The following SRP54 variants were observed in gnomAD, a reference collection of about 807,000 sequenced individuals.
SRP54 encodes the protein signal recognition particle 54.
Under a neutral mutation model 64.8 loss-of-function variants are expected in SRP54, and 10 were observed. The ratio of observed to expected loss-of-function variants is 0.15; its 90% CI spans 0.10 to 0.26. SRP54 has a LOEUF of 0.26. SRP54 is among the 10% of genes least tolerant of loss of function. The pLI is 1.00. For synonymous variants in SRP54, 193 were observed against 185.6 expected (o/e 1.04, Z -0.32); for missense variants, 325 against 613.7 (o/e 0.53, Z 4.97).
intron 1 of SRP54, among the ~76,000 whole-genome samples, chr14:34,989,812 A>C (rs1210838936): frequency 6.6e-6 from 1 of 152,130 alleles, no homozygotes; most frequent in African/African-American, 2.4e-5. Flanking sequence ...TTAATAGTTA[A>C]TATGCTAGGT....
chr14:35,005,445 G>A (rs774836446), intron 4 of SRP54, among the ~76,000 whole-genome samples: 4 of 152,162 alleles, frequency 2.6e-5, no homozygotes, highest in East Asian at 1.9e-4. Context: ...TGCCCAGGCC[G>A]GAGTACAGTG....
intron 10 of SRP54, among the ~76,000 whole-genome samples, chr14:35,014,290 T>TTTTTTTTTTTTTGTTTTTTTG (rs376712278): frequency 7.9e-6 from 1 of 127,284 alleles, no homozygotes; most frequent in African/African-American, 2.9e-5. Context: ...TTTTTTTTTT[T>TTTTTTTTTTTTTGTTTTTTTG]TTTTGAGACG....
Position 35,023,997 on chromosome 14 carries a change from A to T in SRP54, c.1327+917A>T, listed in dbSNP as rs181563048. 3.0e-3 allele frequency among the ~76,000 whole-genome samples: 457 copies of T among 152,152 alleles called. 3 individuals are homozygous for T. Among genetic ancestry groups the T allele is most frequent in the African/African-American group, 0.011 (442 of 41,518 alleles). ...CAGAAACATAGTAGAAGCTAAAAAAATTTTGTAGTAATATAATTTCCATTA... is the reference window on the plus strand; with the variant it reads ...CAGAAACATAGTAGAAGCTAAAAAATTTTTGTAGTAATATAATTTCCATTA... On this transcript the variant is annotated intron_variant, in intron 14 of 15. Transcript: ENST00000216774.
rs1447429965 is a variant in SRP54 at position 35,020,581 on chromosome 14, T to G, written c.1156+1507T>G. Among the ~76,000 whole-genome samples the G allele has an allele frequency of 2.0e-5, 3 of 152,214 alleles. No individual in the cohort carries two copies. The East Asian group carries it at 5.8e-4, about 29-fold the overall frequency. ...TCTGTGCTTTATCTACTATCTGATT[T>G]ATTGTTATTTTTTTGTAGTCTCTTT... On this transcript the variant is annotated intron_variant, in intron 13 of 15. Coordinates refer to ENST00000216774, the MANE Select transcript of SRP54 (RefSeq NM_003136.4).
At position 34,995,137 on chromosome 14, in the gene SRP54, GT is replaced by G. The variant is rs1467241229; in HGVS notation, c.-33-1539del. Among the ~76,000 whole-genome samples the G allele has an allele frequency of 6.6e-4, 17 of 25,754 alleles. 2 individuals are homozygous for G. The South Asian group carries it at 0.012, about 19-fold the overall frequency. The allele number at this position is 25,754 out of a possible 152,430, so 16.9% of individuals were successfully genotyped here. On this transcript the variant is annotated intron_variant, in intron 1 of 15. Coordinates refer to ENST00000216774, the MANE Select transcript of SRP54 (RefSeq NM_003136.4). The stretch of plus-strand genomic sequence containing the variant: ...CAGAGAAGCAGAATCAATAAAGGGT[GT>G]GTGTGTGTGTGTGTGTGTGTGTGTG...
At chr14:34,989,153 T>C (rs960450724) in intron 1 of SRP54, among the ~76,000 whole-genome samples, 2 of 152,196 alleles carry the variant, frequency 1.3e-5, no homozygotes, top group African/African-American at 4.8e-5. Flanking sequence ...TTTCTAAGTA[T>C]ATTTAGTTCT....
At chr14:34,993,222 G>T (rs1235070104) in intron 1 of SRP54, 2 of 152,152 alleles carry the variant, frequency 1.3e-5, no homozygotes, top group Non-Finnish European at 2.9e-5. Context: ...AAAGTTAATT[G>T]TGGTGTCATA....
intron 2 of SRP54, among the ~76,000 whole-genome samples, chr14:34,997,919 C>G (rs1163309619): frequency 1.3e-5 from 2 of 151,728 alleles, no homozygotes; most frequent in African/African-American, 2.4e-5. Context: ...TTGTGTAGCC[C>G]TTATGTTCTT....
Position 35,023,064 on chromosome 14 carries a change from C to A in SRP54, c.1311C>A (p.Ile437=). 1 of 1,604,654 alleles carries A rather than the reference C, an allele frequency of 6.2e-7. No homozygotes were observed. Among genetic ancestry groups the A allele is most frequent in the East Asian group, 2.3e-5 (1 of 44,402 alleles). ...FAQMVKKMGG[I]KGLFKGGDMS... ...AGATGGTAAAAAAGATGGGAGGTAT[C>A]AAAGGACTTTTCAAAGGTAAGAAAA... Residue 437 remains isoleucine, a synonymous_variant, in exon 14 of 16, where the codon ATC becomes ATA. Coordinates refer to ENST00000216774, the MANE Select transcript of SRP54 (RefSeq NM_003136.4).
intron 13 of SRP54, among the ~76,000 whole-genome samples, chr14:35,019,867 A>G (rs1400014670): frequency 6.6e-6 from 1 of 152,206 alleles, no homozygotes; most frequent in African/African-American, 2.4e-5. Context: ...AAAACAATGT[A>G]TATACCTTAA....
chr14:35,002,508 C>G (rs984959895), intron 4 of SRP54, among the ~76,000 whole-genome samples: 1 of 151,728 alleles, frequency 6.6e-6, no homozygotes, highest in African/African-American at 2.4e-5. Flanking sequence ...TCTCTGCTCA[C>G]TGCAACCTCT....
At chr14:35,018,123 A>C (rs2044472162) in intron 11 of SRP54, among the ~76,000 whole-genome samples, 1 of 152,174 alleles carries the variant, frequency 6.6e-6, no homozygotes, top group South Asian at 2.1e-4. Context: ...AGAAATTCTG[A>C]GTATATCGTT....
chr14:35,008,861 A>G, intron 7 of SRP54, 30 bp downstream of exon 7: 1 of 1,302,008 alleles, frequency 7.7e-7, no homozygotes, highest in Non-Finnish European at 1.1e-6. Flanking sequence ...TTTAACACTT[A>G]TATCCCTCTT....
chr14:34,994,395 G>T (rs1169080826), intron 1 of SRP54, among the ~76,000 whole-genome samples: 1 of 152,144 alleles, frequency 6.6e-6, no homozygotes, highest in Non-Finnish European at 1.5e-5. Flanking sequence ...GTTTGGAAGG[G>T]TTACCAAAAC....
intron 7 of SRP54, 53 bp downstream of exon 7, chr14:35,008,884 CT>C (rs35812379): frequency 0.13 from 84,686 of 669,562 alleles, 1 homozygote; most frequent in Middle Eastern, 0.14. Flanking sequence ...TGTCTGTCAG[CT>C]TTTTTTTTTT....
chr14:35,008,788 C>T lies in SRP54; in HGVS notation c.442C>T (p.Leu148=), dbSNP rs760860121. The part of the protein sequence containing the change: ...DTFRAGAFDQ[L]KQNATKARIP... Reference sequence around the variant, plus strand: ...TTATCTTCCAGGGGCTTTTGACCAACTAAAACAGAATGCTACCAAAGCAAG... The same window carrying T: ...TTATCTTCCAGGGGCTTTTGACCAATTAAAACAGAATGCTACCAAAGCAAG... Residue 148 remains leucine (L), a synonymous_variant, in exon 7 of 16, where the codon CTA becomes TTA. Coordinates refer to ENST00000216774, the MANE Select transcript of SRP54 (RefSeq NM_003136.4). 3 of 1,606,396 alleles carry T rather than the reference C, an allele frequency of 1.9e-6. No individual in the cohort carries two copies. In the Admixed American group the frequency reaches 5.1e-5, roughly 27 times the overall value.
chr14:35,027,248 T>C (rs1195868957), intron 14 of SRP54, among the ~76,000 whole-genome samples: 1 of 151,758 alleles, frequency 6.6e-6, no homozygotes, highest in African/African-American at 2.4e-5. Flanking sequence ...TAGGCTGGTC[T>C]CGAACTCCTG....
chr14:35,016,710 G>A (rs954390678), intron 11 of SRP54, among the ~76,000 whole-genome samples: 2 of 152,120 alleles, frequency 1.3e-5, no homozygotes, highest in Non-Finnish European at 2.9e-5. Context: ...TGAAGGTAGA[G>A]GTCATAGCTG....
intron 7 of SRP54, 53 bp downstream of exon 7, chr14:35,008,884 CTTTT>C (rs35812379): frequency 3.8e-3 from 2,525 of 672,158 alleles, no homozygotes; most frequent in Middle Eastern, 7.4e-3. Context: ...TGTCTGTCAG[CTTTT>C]TTTTTTTTTT....
Sources: gnomAD v4.1 joint callset for allele counts (sites outside exome capture counted in the v4.1 genomes callset) on GRCh38, gnomAD v4.1.1 for gene constraint, MANE v1.5 for transcripts, NCBI Gene and HGNC (gene_info 2026-07-23, HGNC 2026-07-21) for gene names.